SIX1: variants seen among roughly 807,000 people sequenced by gnomAD.
SIX1 encodes homeobox protein SIX1.
Under a neutral mutation model 26.5 loss-of-function variants are expected in SIX1, and 11 were observed. The observed-to-expected ratio is 0.41, with a 90% CI of 0.26 to 0.69. The LOEUF is 0.69. Ranked by LOEUF, SIX1 falls within the 30% of genes least tolerant of loss-of-function variation. The pLI, the probability that SIX1 is intolerant of heterozygous loss-of-function variation, is 0.28. For missense variants in SIX1, 333 were observed against 365.9 expected, an observed-to-expected ratio of 0.91 and a Z score of 0.73; for synonymous variants, 177 against 166.2, an observed-to-expected ratio of 1.06 and a Z score of -0.50.
At position 60,645,914 on chromosome 14, in the gene SIX1, G is replaced by C. The variant is rs1894930551; in HGVS notation, c.*369C>G. 1 of 166,374 alleles carries C rather than the reference G, an allele frequency of 6.0e-6. No homozygotes were observed. The highest frequency in any genetic ancestry group is 2.4e-5 in the African/African-American group (1 of 41,706). 10.3% of individuals were successfully genotyped at this position (166,374 alleles called of 1,614,324 possible). On this transcript the variant is annotated 3_prime_UTR_variant, in exon 2 of 2. Coordinates refer to ENST00000645694, the MANE Select transcript of SIX1 (RefSeq NM_005982.4). This position sits in a 1 kb window ranked among gnomAD's most constrained non-coding sequence, Gnocchi z 4.6. ...AAAAGGAAATAATGAAAATCCAGTT[G>C]ATTTGCAATTCCCATTCATTGAAAA...
chr14:60,645,042 C>T lies in SIX1; in HGVS notation c.*1241G>A, dbSNP rs1310726091. 1 of 152,074 alleles carries T rather than the reference C, an allele frequency of 6.6e-6. No homozygotes were observed. Among genetic ancestry groups the T allele is most frequent in the Non-Finnish European group, 1.5e-5 (1 of 67,998 alleles). 9.4% of individuals were successfully genotyped at this position (152,074 alleles called of 1,614,324 possible). ...AATGCTGTGAAGAGATAGTGGTAAA[C>T]AAAATTGCATATCTAAATAATAGAA... On this transcript the variant is annotated 3_prime_UTR_variant, in exon 2 of 2. Coordinates refer to ENST00000645694, the MANE Select transcript of SIX1 (RefSeq NM_005982.4). The surrounding 1 kb of genome is among the most constrained non-coding windows in gnomAD (Gnocchi z 4.6).
In SIX1 at chr14:60,645,444, G is replaced by C. The variant is rs189312189; in HGVS notation, c.*839C>G. 1 of 151,896 alleles carries C rather than the reference G, an allele frequency of 6.6e-6. No individual in the cohort carries two copies. The highest frequency in any genetic ancestry group is 1.9e-4 in the East Asian group (1 of 5,170). 9.4% of individuals were successfully genotyped at this position (151,896 alleles called of 1,614,324 possible). A position where few individuals can be genotyped will look rare whatever the true frequency, so the allele number is the denominator to read the frequency against. Reference sequence around the variant, plus strand: ...ACAGGAGTAGGCTACAGATATGAAAGCTTTGAGGGCATGAGTAATGGCATT... The same window carrying C: ...ACAGGAGTAGGCTACAGATATGAAACCTTTGAGGGCATGAGTAATGGCATT... On this transcript the variant is annotated 3_prime_UTR_variant, in exon 2 of 2. Coordinates refer to ENST00000645694, the MANE Select transcript of SIX1 (RefSeq NM_005982.4). The surrounding 1 kb of genome is among the most constrained non-coding windows in gnomAD (Gnocchi z 4.6).
chr14:60,648,181 G>C lies in SIX1; in HGVS notation c.560+449C>G, dbSNP rs986930245. 4.6e-5 allele frequency among the ~76,000 whole-genome samples: 7 copies of C among 152,212 alleles called. No homozygotes were observed. The highest frequency in any genetic ancestry group is 3.3e-4 in the Admixed American group (5 of 15,292). ...GGAGAACCAGGCGGGAGTGGGGGCA[G>C]AGCCAATGTCTCAGGCCAGCTTCAC... On this transcript the variant is annotated intron_variant, in intron 1 of 1. Coordinates refer to ENST00000645694, the MANE Select transcript of SIX1 (RefSeq NM_005982.4). This position sits in a 1 kb window ranked among gnomAD's most constrained non-coding sequence, Gnocchi z 7.9.
Position 60,648,656 on chromosome 14 carries a change from T to G in SIX1, c.534A>C (p.Arg178Ser). Residue 178 changes from arginine to serine, a missense_variant, in exon 1 of 2, where the codon AGA (arginine) becomes AGC (serine). Around this residue, in one of 3 missense-constraint regions of SIX1, gnomAD observed 199 missense variants for 215.2 expected, o/e 0.92. Transcript: ENST00000645694. This position sits in a 1 kb window ranked among gnomAD's most constrained non-coding sequence, Gnocchi z 7.9. ...TTTCCTTGGCCTCCGCGGCCCGGTC[T>G]CTTTGCCTCCGGTTCTTAAACCAGT... ...VSNWFKNRRQ[R>S]DRAAEAKERE... is the part of the protein sequence containing the mutation. 6.2e-7 allele frequency: 1 copy of G among 1,614,008 alleles called. No individual in the cohort carries two copies. Among genetic ancestry groups the G allele is most frequent in the Non-Finnish European group, 8.5e-7 (1 of 1,179,960 alleles).
In SIX1 at chr14:60,644,014, G is replaced by A. The variant is rs567329598; in HGVS notation, c.*2269C>T. 2 of 152,336 alleles carry A rather than the reference G, an allele frequency of 1.3e-5. No individual in the cohort carries two copies. The highest frequency in any genetic ancestry group is 4.8e-5 in the African/African-American group (2 of 41,576). The allele number at this position is 152,336 out of a possible 1,614,324, so 9.4% of individuals were successfully genotyped here. The stretch of plus-strand genomic sequence containing the variant: ...GCCCTGCGAGACACAACTTCCACGA[G>A]CCTAAAATTATCCCAGGCGGAGCTG... On this transcript the variant is annotated 3_prime_UTR_variant, in exon 2 of 2. Coordinates refer to ENST00000645694, the MANE Select transcript of SIX1 (RefSeq NM_005982.4).
Position 60,647,662 on chromosome 14 carries a change from C to G in SIX1, c.560+968G>C, listed in dbSNP as rs1168517669. Among the ~76,000 whole-genome samples, 1 of 152,068 alleles carries G rather than the reference C, an allele frequency of 6.6e-6. No homozygotes were observed. The highest frequency in any genetic ancestry group is 1.5e-5 in the Non-Finnish European group (1 of 68,004). On this transcript the variant is annotated intron_variant, in intron 1 of 1. Coordinates refer to ENST00000645694, the MANE Select transcript of SIX1 (RefSeq NM_005982.4). The surrounding 1 kb of genome is among the most constrained non-coding windows in gnomAD (Gnocchi z 5.1). Reference sequence around the variant, plus strand: ...GATCTTCGGCCCCTAGTCTTGGAAGCGAACAAAGGAAAACCTAACCGGCCC... The same window carrying G: ...GATCTTCGGCCCCTAGTCTTGGAAGGGAACAAAGGAAAACCTAACCGGCCC...
chr14:60,646,042 C>G lies in SIX1; in HGVS notation c.*241G>C. 7.6e-6 allele frequency: 2 copies of G among 264,658 alleles called. No individual in the cohort carries two copies. The highest frequency in any genetic ancestry group is 1.3e-4 in the South Asian group (1 of 7,542). 16.4% of individuals were successfully genotyped at this position (264,658 alleles called of 1,614,324 possible). On this transcript the variant is annotated 3_prime_UTR_variant, in exon 2 of 2. Coordinates refer to ENST00000645694, the MANE Select transcript of SIX1 (RefSeq NM_005982.4). ...GTTTTTTTTTTTTTTTTTCCCTGAT[C>G]TCTGCATTGGGAAGGAAAATGCAAA...
At position 60,645,528 on chromosome 14, in the gene SIX1, A is replaced by C. The variant is rs868568764; in HGVS notation, c.*755T>G. 3.6e-4 allele frequency: 51 copies of C among 143,332 alleles called. No individual in the cohort carries two copies. Among genetic ancestry groups the C allele is most frequent in the South Asian group, 1.3e-3 (6 of 4,552 alleles). 8.9% of individuals were successfully genotyped at this position (143,332 alleles called of 1,614,324 possible). ...AGAGTTTGTCATTTAAAAAAAAAAAACCCAAGAAAACAAACAACAACCAAA... is the reference window on the plus strand; with the variant it reads ...AGAGTTTGTCATTTAAAAAAAAAAACCCCAAGAAAACAAACAACAACCAAA... On this transcript the variant is annotated 3_prime_UTR_variant, in exon 2 of 2. Transcript: ENST00000645694. This position sits in a 1 kb window ranked among gnomAD's most constrained non-coding sequence, Gnocchi z 4.6.
Position 60,648,691 on chromosome 14 carries a change from G to C in SIX1, c.499C>G (p.Gln167Glu), listed in dbSNP as rs1201459073. 1 of 1,614,126 alleles carries C rather than the reference G, an allele frequency of 6.2e-7. No individual in the cohort carries two copies. Among genetic ancestry groups the C allele is most frequent in the Non-Finnish European group, 8.5e-7 (1 of 1,179,960 alleles). ...LAEATGLTTT[Q>E]VSNWFKNRRQ... ...CGGTTCTTAAACCAGTTGCTGACCT[G>C]GGTGGTGGTGAGGCCGGTGGCCTCG... is the stretch of plus-strand genomic sequence containing the variant. Residue 167 changes from glutamine to glutamate, a missense_variant, in exon 1 of 2, where the codon CAG becomes GAG. Physicochemically the swap from Gln to Glu is conservative, Grantham distance 29 (BLOSUM62 2). Coordinates refer to ENST00000645694, the MANE Select transcript of SIX1 (RefSeq NM_005982.4). The surrounding 1 kb of genome is among the most constrained non-coding windows in gnomAD (Gnocchi z 7.9).
chr14:60,648,456 C>T lies in SIX1; in HGVS notation c.560+174G>A, dbSNP rs191624467. On this transcript the variant is annotated intron_variant, in intron 1 of 1. Transcript: ENST00000645694. The surrounding 1 kb of genome is among the most constrained non-coding windows in gnomAD (Gnocchi z 7.9). ...TGAGGCCCCATCCTTAGCAAGGAAC[C>T]TCAGAGTTCATGAACTTTCGCTGCA... is the stretch of plus-strand genomic sequence containing the variant. Among the ~76,000 whole-genome samples the T allele has an allele frequency of 6.6e-6, 1 of 152,202 alleles. No homozygotes were observed. The highest frequency in any genetic ancestry group is 2.4e-5 in the African/African-American group (1 of 41,462).
rs779091171 is a variant in SIX1 at position 60,649,226 on chromosome 14, G to C, written c.-37C>G. On this transcript the variant is annotated 5_prime_UTR_variant, in exon 1 of 2. Transcript: ENST00000645694. This position sits in a 1 kb window ranked among gnomAD's most constrained non-coding sequence, Gnocchi z 5.1. ...GCCGGGGCGCACGGCCCAGGCGCAC[G>C]CGGCAGGGAGCAGAGCCGAGAGGCA... 6.3e-7 allele frequency: 1 copy of C among 1,587,526 alleles called. No individual in the cohort carries two copies. Among genetic ancestry groups the C allele is most frequent in the Non-Finnish European group, 8.5e-7 (1 of 1,170,440 alleles).
chr14:60,649,438 A>G lies in SIX1; in HGVS notation c.-249T>C. 2.4e-6 allele frequency: 1 copy of G among 425,484 alleles called. No individual in the cohort carries two copies. Among genetic ancestry groups the G allele is most frequent in the Non-Finnish European group, 4.2e-6 (1 of 240,386 alleles). The allele number at this position is 425,484 out of a possible 1,614,324, so 26.4% of individuals were successfully genotyped here. A position where few individuals can be genotyped will look rare whatever the true frequency, so the allele number is the denominator to read the frequency against. The stretch of plus-strand genomic sequence containing the variant: ...AGCCTTTAAGGCCTTGCTGCCTCCG[A>G]CCTCCCGCCCGGTGGATGCTGCTAG... On this transcript the variant is annotated 5_prime_UTR_variant, in exon 1 of 2. Transcript: ENST00000645694. This position sits in a 1 kb window ranked among gnomAD's most constrained non-coding sequence, Gnocchi z 5.1.
chr14:60,648,933 A>C lies in SIX1; in HGVS notation c.257T>G (p.Leu86Arg). The change falls in exon 1 of 2, where the codon CTG becomes CGG. Residue 86 changes from leucine (L) to arginine (R), a missense_variant. Physicochemically the swap from Leu to Arg is moderately radical, Grantham distance 102. Transcript: ENST00000645694. The surrounding 1 kb of genome is among the most constrained non-coding windows in gnomAD (Gnocchi z 7.9). ...CTCCACGTAATGCGCCTTCAGCCAC[A>C]GTTGCTGCAGTTTGGGGTGGTTGTG... is the stretch of plus-strand genomic sequence containing the variant. The part of the protein sequence containing the change: ...SPHNHPKLQQ[L>R]WLKAHYVEAE... The C allele has an allele frequency of 6.2e-7, 1 of 1,614,162 alleles. No individual in the cohort carries two copies. Among genetic ancestry groups the C allele is most frequent in the African/African-American group, 1.3e-5 (1 of 75,048 alleles).
At position 60,649,337 on chromosome 14, in the gene SIX1, TGGC is replaced by T. The variant is rs1018005352; in HGVS notation, c.-151_-149del. On this transcript the variant is annotated 5_prime_UTR_variant, in exon 1 of 2. Transcript: ENST00000645694. The surrounding 1 kb of genome is among the most constrained non-coding windows in gnomAD (Gnocchi z 5.1). ...AAAGGCGAAAACCGGAGTCGGAACTTGGCGGTGGGCGGCCAAGGAAGAGAAGGC... is the reference window on the plus strand; with the variant it reads ...AAAGGCGAAAACCGGAGTCGGAACTTGGTGGGCGGCCAAGGAAGAGAAGGC... 2 of 675,648 alleles carry T rather than the reference TGGC, an allele frequency of 3.0e-6. No homozygotes were observed. Among genetic ancestry groups the T allele is most frequent in the Non-Finnish European group, 5.0e-6 (2 of 403,682 alleles). 41.9% of individuals were successfully genotyped at this position (675,648 alleles called of 1,614,324 possible).
At position 60,649,089 on chromosome 14, in the gene SIX1, A is replaced by G; in HGVS notation, c.101T>C (p.Leu34Pro). Residue 34 changes from leucine to proline, a missense_variant, in exon 1 of 2, where the codon CTG becomes CCG. Transcript: ENST00000645694. The surrounding 1 kb of genome is among the most constrained non-coding windows in gnomAD (Gnocchi z 5.1). Reference sequence around the variant, plus strand: ...GTGGTCGCAGGCGGGCAGTGACCACAGGAACCTGCCCAGGCGCTCCAGGTT... The same window carrying G: ...GTGGTCGCAGGCGGGCAGTGACCACGGGAACCTGCCCAGGCGCTCCAGGTT... ...GGNLERLGRF[L>P]WSLPACDHLH... 1 of 1,613,454 alleles carries G rather than the reference A, an allele frequency of 6.2e-7. No homozygotes were observed.
At position 60,643,896 on chromosome 14, in the gene SIX1, G is replaced by T; in HGVS notation, c.*2387C>A. On this transcript the variant is annotated 3_prime_UTR_variant, in exon 2 of 2. Coordinates refer to ENST00000645694, the MANE Select transcript of SIX1 (RefSeq NM_005982.4). ...AACAAGTTTACAAGCAGTAATCACG[G>T]GGGCTTTTACAGGACCAGCGCTCTT... is the stretch of plus-strand genomic sequence containing the variant. The T allele has an allele frequency of 6.6e-6, 1 of 152,158 alleles. No homozygotes were observed. Among genetic ancestry groups the T allele is most frequent in the East Asian group, 1.9e-4 (1 of 5,200 alleles). 9.4% of individuals were successfully genotyped at this position (152,158 alleles called of 1,614,324 possible).
chr14:60,646,635 G>C (rs1292673634), intron 1 of SIX1, 58 bp from the exon 2 acceptor site: 3 of 1,327,498 alleles, frequency 2.3e-6, no homozygotes, highest in Non-Finnish European at 3.1e-6. Flanking sequence ...AAAAAAGTAG[G>C]TTAAAAAAAA....
At position 60,649,402 on chromosome 14, in the gene SIX1, G is replaced by C. The variant is rs771815597; in HGVS notation, c.-213C>G. 411 of 575,774 alleles carry C rather than the reference G, an allele frequency of 7.1e-4. 1 individual carries two copies. Among genetic ancestry groups the C allele is most frequent in the Non-Finnish European group, 1.1e-3 (341 of 323,242 alleles). The allele number at this position is 575,774 out of a possible 1,614,324, so 35.7% of individuals were successfully genotyped here. On this transcript the variant is annotated 5_prime_UTR_variant, in exon 1 of 2. Coordinates refer to ENST00000645694, the MANE Select transcript of SIX1 (RefSeq NM_005982.4). The surrounding 1 kb of genome is among the most constrained non-coding windows in gnomAD (Gnocchi z 5.1). ...GGAGGTTCTGGACACGGAACGGCCG[G>C]CGCACTCAGTAGCCTTTAAGGCCTT...
rs1354531799 is a variant in SIX1 at position 60,645,040 on chromosome 14, A to G, written c.*1243T>C. 6.6e-6 allele frequency: 1 copy of G among 152,244 alleles called. No individual in the cohort carries two copies. The highest frequency in any genetic ancestry group is 1.5e-5 in the Non-Finnish European group (1 of 68,040). The allele number at this position is 152,244 out of a possible 1,614,324, so 9.4% of individuals were successfully genotyped here. A position where few individuals can be genotyped will look rare whatever the true frequency, so the allele number is the denominator to read the frequency against. On this transcript the variant is annotated 3_prime_UTR_variant, in exon 2 of 2. Coordinates refer to ENST00000645694, the MANE Select transcript of SIX1 (RefSeq NM_005982.4). The surrounding 1 kb of genome is among the most constrained non-coding windows in gnomAD (Gnocchi z 4.6). ...TGAATGCTGTGAAGAGATAGTGGTA[A>G]ACAAAATTGCATATCTAAATAATAG...
Sources: gnomAD v4.1 joint callset for allele counts (sites outside exome capture counted in the v4.1 genomes callset) on GRCh38, gnomAD v4.1.1 for gene constraint, gnomAD v4.1.1 regional missense constraint, Gnocchi (gnomAD v3.1) non-coding constraint, MANE v1.5 for transcripts, NCBI Gene and HGNC (gene_info 2026-07-23, HGNC 2026-07-21) for gene names.